The following SSH2 variants were observed in gnomAD, a reference collection of about 807,000 sequenced individuals.
The protein encoded by SSH2 is slingshot protein phosphatase 2.
In SSH2, 37 loss-of-function variants were observed where a neutral mutation model predicts 135.2. That is an observed-to-expected ratio of 0.27 (90% CI 0.21 to 0.36). The LOEUF (loss-of-function observed/expected upper bound fraction) is 0.36. Among genes scored for constraint, SSH2 ranks in the 10% least tolerant of loss-of-function variants. The pLI is 1.00. For synonymous variants in SSH2, 628 were observed against 646.2 expected (o/e 0.97, Z 0.43); for missense variants, 1,408 against 1,765.3 (o/e 0.80, Z 3.63).
At chr17:29,655,214 C>T (rs2036734666) in intron 12 of SSH2, among the ~76,000 whole-genome samples, 1 of 152,070 alleles carries the variant, frequency 6.6e-6, no homozygotes, top group African/African-American at 2.4e-5. Context: ...CGCCATTCTC[C>T]TGCCTCAGCC....
chr17:29,732,015 G>T (rs1333182041), intron 3 of SSH2, among the ~76,000 whole-genome samples: 4 of 152,116 alleles, frequency 2.6e-5, no homozygotes, highest in African/African-American at 9.7e-5. Context: ...CAGAGAGCCT[G>T]CTTGGGTGAT....
chr17:29,652,434 G>A (rs574460894), intron 12 of SSH2, among the ~76,000 whole-genome samples: 42 of 152,162 alleles, frequency 2.8e-4, no homozygotes, highest in African/African-American at 9.4e-4. Context: ...GGCTTTCCGA[G>A]TTGAAAAAAT....
intron 1 of SSH2, among the ~76,000 whole-genome samples, chr17:29,851,836 C>A (rs1224444455): frequency 6.6e-6 from 1 of 151,926 alleles, no homozygotes; most frequent in Non-Finnish European, 1.5e-5. Context: ...CCACTGCCAT[C>A]TGGCCTGGGC....
intron 12 of SSH2, among the ~76,000 whole-genome samples, chr17:29,651,604 C>A (rs1223365462): frequency 6.6e-6 from 1 of 152,158 alleles, no homozygotes; most frequent in East Asian, 1.9e-4. Context: ...TAAGTTTACT[C>A]CAACAATACA....
intron 2 of SSH2, among the ~76,000 whole-genome samples, chr17:29,844,518 G>A (rs1187954643): frequency 6.6e-6 from 1 of 152,198 alleles, no homozygotes; most frequent in African/African-American, 2.4e-5. Flanking sequence ...AGCCTCAGGA[G>A]TCTCAGTGCC....
At chr17:29,766,156 T>G (rs2151265015) in intron 3 of SSH2, among the ~76,000 whole-genome samples, 1 of 152,204 alleles carries the variant, frequency 6.6e-6, no homozygotes, top group South Asian at 2.1e-4. Flanking sequence ...CTAATTGTAT[T>G]TGTTTTCTTT....
At chr17:29,676,435 C>CA (rs35493002) in intron 8 of SSH2, 10,273 of 123,630 alleles carry the variant, frequency 0.083, 872 homozygotes, top group African/African-American at 0.25. Context: ...GGCTTCGTCT[C>CA]AAAAAAAAAA....
chr17:29,702,948 G>T lies in SSH2; in HGVS notation c.292+11C>A. The stretch of plus-strand genomic sequence containing the variant: ...TTACCAAGAAAGAAATGGTGTATAT[G>T]CAAGCATTACCTGCATGCTTGTTCC... On this transcript the variant is annotated intron_variant, in intron 4 of 15. Transcript: ENST00000540801. 6.3e-7 allele frequency: 1 copy of T among 1,575,478 alleles called. No homozygotes were observed. The highest frequency in any genetic ancestry group is 8.7e-7 in the Non-Finnish European group (1 of 1,144,972).
In SSH2 at chr17:29,848,898, G is replaced by T; in HGVS notation, c.95C>A (p.Ala32Glu). 6.5e-7 allele frequency: 1 copy of T among 1,534,848 alleles called. No homozygotes were observed. Residue 32 changes from alanine to glutamate, a missense_variant, in exon 2 of 16, where the codon GCA becomes GAA. By Grantham distance (107) the Ala-to-Glu change is moderately radical. Coordinates refer to ENST00000540801, the MANE Select transcript of SSH2 (RefSeq NM_001282129.2). ...SSHLEDSESA[A>E]LLCCECEESE... ...TTCTTCACATTCACAGCAAAGTAAT[G>T]CTGCTGATTCACTGTCTTCCAAATG...
At chr17:29,754,071 T>C (rs2041038459) in intron 3 of SSH2, among the ~76,000 whole-genome samples, 1 of 152,192 alleles carries the variant, frequency 6.6e-6, no homozygotes, top group Admixed American at 6.5e-5. Context: ...AGCATTTTGA[T>C]TCTCTAGTTT....
chr17:29,661,857 C>CACTGGTT (rs1449984505), intron 11 of SSH2, among the ~76,000 whole-genome samples: 1 of 152,128 alleles, frequency 6.6e-6, no homozygotes, highest in Non-Finnish European at 1.5e-5. Context: ...AAATTAAAGG[C>CACTGGTT]ACTGGTTACT....
At chr17:29,634,960 T>A (rs902631366) in intron 15 of SSH2, among the ~76,000 whole-genome samples, 1 of 152,164 alleles carries the variant, frequency 6.6e-6, no homozygotes, top group Non-Finnish European at 1.5e-5. Flanking sequence ...TGGAGTACAG[T>A]GGCACGACCT....
intron 9 of SSH2, among the ~76,000 whole-genome samples, chr17:29,669,852 T>C (rs892677231): frequency 5.9e-5 from 9 of 151,880 alleles, no homozygotes; most frequent in African/African-American, 1.9e-4. Context: ...TTGTTTGTTG[T>C]GTAGTATCAA....
At chr17:29,745,827 GA>G (rs1441971474) in intron 3 of SSH2, among the ~76,000 whole-genome samples, 1 of 110,116 alleles carries the variant, frequency 9.1e-6, no homozygotes, top group Non-Finnish European at 2.0e-5. Flanking sequence ...TACTGATGAG[GA>G]AAAAGGTTTA....
rs1174531285 is a variant in SSH2 at position 29,761,881 on chromosome 17, A to AT, written c.188+32012dup. Among the ~76,000 whole-genome samples, 728 of 130,560 alleles carry AT rather than the reference A, an allele frequency of 5.6e-3. 1 individual carries two copies. The highest frequency in any genetic ancestry group is 9.3e-3 in the Non-Finnish European group (571 of 61,284). The allele number at this position is 130,560 out of a possible 152,430, so 85.7% of individuals were successfully genotyped here. On this transcript the variant is annotated intron_variant, in intron 3 of 15. Coordinates refer to ENST00000540801, the MANE Select transcript of SSH2 (RefSeq NM_001282129.2). ...TGTGTGTGTGTGTGTGTATATATAT[A>AT]TATATATTTTTTTTTGAGATGGAGT...
At chr17:29,833,114 T>C (rs887464512) in intron 2 of SSH2, among the ~76,000 whole-genome samples, 2 of 152,244 alleles carry the variant, frequency 1.3e-5, no homozygotes, top group African/African-American at 4.8e-5. Context: ...ATTTGGTCTA[T>C]AGTGCAGATT....
intron 14 of SSH2, among the ~76,000 whole-genome samples, chr17:29,639,166 A>C (rs1175295853): frequency 6.6e-6 from 1 of 152,204 alleles, no homozygotes; most frequent in East Asian, 1.9e-4. Context: ...GGTGGGCCAA[A>C]GGAAGACTCC....
At chr17:29,855,069 G>C (rs2065637591) in intron 1 of SSH2, among the ~76,000 whole-genome samples, 2 of 152,164 alleles carry the variant, frequency 1.3e-5, no homozygotes, top group South Asian at 4.1e-4. Context: ...TTAAGAGGCA[G>C]AGAACATTTA....
chr17:29,793,671 G>T, intron 3 of SSH2: 3 of 396,784 alleles, frequency 7.6e-6, no homozygotes, highest in South Asian at 5.7e-5. Flanking sequence ...GTCCTGATAC[G>T]TTGTCTCAAA....
Sources: allele counts gnomAD v4.1 joint callset (sites outside exome capture counted in the v4.1 genomes callset), GRCh38; gene constraint gnomAD v4.1.1; transcripts MANE v1.5; gene names NCBI Gene and HGNC (gene_info 2026-07-23, HGNC 2026-07-21).